Variants in CSMD1 observed in about 807,000 individuals in gnomAD.
The protein encoded by CSMD1 is CUB and Sushi multiple domains 1, also known as CUB and sushi domain-containing protein 1.
Under a neutral mutation model 417.5 loss-of-function variants are expected in CSMD1, and 213 were observed. The observed-to-expected ratio is 0.51, with a 90% CI of 0.46 to 0.57. The LOEUF (loss-of-function observed/expected upper bound fraction) is 0.57, where lower values mean the gene tolerates loss of function less well. Ranked by LOEUF, CSMD1 falls within the 20% of genes least tolerant of loss-of-function variation. The pLI is 0.00. For synonymous variants in CSMD1, 2,862 were observed against 1,736.8 expected, an observed-to-expected ratio of 1.65 and a Z score of -16.11; for missense variants, 6,923 against 4,529.7, an observed-to-expected ratio of 1.53 and a Z score of -15.17.
At chr8:4,802,807 G>A (rs1309103629) in intron 1 of CSMD1, among the ~76,000 whole-genome samples, 1 of 152,132 alleles carries the variant, frequency 6.6e-6, no homozygotes, top group Non-Finnish European at 1.5e-5. Context: ...ACGTCATAGG[G>A]AAGGACAGAC....
At chr8:3,742,647 G>T (rs1796870141) in intron 6 of CSMD1, among the ~76,000 whole-genome samples, 1 of 151,962 alleles carries the variant, frequency 6.6e-6, no homozygotes, top group South Asian at 2.1e-4. Flanking sequence ...CGTCCTGAAG[G>T]ACGTCTCTCC....
intron 21 of CSMD1, among the ~76,000 whole-genome samples, chr8:3,358,715 C>T (rs560117879): frequency 6.6e-6 from 1 of 152,278 alleles, no homozygotes; most frequent in East Asian, 1.9e-4. Context: ...TCAAAGGCTG[C>T]CACTGACAAC....
At chr8:3,638,135 G>A (rs9792134) in intron 7 of CSMD1, among the ~76,000 whole-genome samples, 66,167 of 151,648 alleles carry the variant, frequency 0.44, 14,497 homozygotes, top group Middle Eastern at 0.61. Flanking sequence ...AGTCTTAAAC[G>A]TAAGATCTCC....
chr8:4,231,934 C>CA (rs1385948003), intron 3 of CSMD1, among the ~76,000 whole-genome samples: 1 of 676 alleles, frequency 1.5e-3, no homozygotes, highest in African/African-American at 2.5e-3. Context: ...TATGTGTTTT[C>CA]CTTCTTCCTT....
intron 8 of CSMD1, chr8:3,613,351 C>A: frequency 2.6e-6 from 1 of 385,980 alleles, no homozygotes; most frequent in Non-Finnish European, 5.1e-6. Flanking sequence ...GAAATATTAA[C>A]AATTATACAC....
intron 3 of CSMD1, among the ~76,000 whole-genome samples, chr8:4,250,910 G>A (rs971078850): frequency 6.6e-6 from 1 of 152,108 alleles, no homozygotes; most frequent in African/African-American, 2.4e-5. Context: ...TAAACAATAA[G>A]GTCTTAGTCA....
At chr8:3,954,732 C>A (rs752416114) in intron 5 of CSMD1, among the ~76,000 whole-genome samples, 2 of 152,234 alleles carry the variant, frequency 1.3e-5, no homozygotes, top group Non-Finnish European at 2.9e-5. Flanking sequence ...CCCGCATGCG[C>A]AGAGCCCTCC....
At chr8:3,049,804 T>C (rs1811697843) in intron 50 of CSMD1, among the ~76,000 whole-genome samples, 1 of 152,034 alleles carries the variant, frequency 6.6e-6, no homozygotes, top group Non-Finnish European at 1.5e-5. Flanking sequence ...GTGCATCCAT[T>C]GTAACATGCA....
rs142615295 is a variant in CSMD1, at chr8:4,716,193, C to T, written c.86-78635G>A. Among the ~76,000 whole-genome samples the T allele has an allele frequency of 6.3e-3, 952 of 152,236 alleles. 5 individuals carry two copies. Among genetic ancestry groups the T allele is most frequent in the Middle Eastern group, 0.02 (6 of 294 alleles). On this transcript the variant is annotated intron_variant, in intron 1 of 69. Coordinates refer to ENST00000635120, the MANE Select transcript of CSMD1 (RefSeq NM_033225.6). ...AGGAATCCCCCTGAGCAGGCGCCAC[C>T]CAATGGGGACTGCTCATCTAGAGAA...
At chr8:4,269,497 TG>T (rs1194825683) in intron 3 of CSMD1, among the ~76,000 whole-genome samples, 1 of 152,192 alleles carries the variant, frequency 6.6e-6, no homozygotes, top group Non-Finnish European at 1.5e-5. Flanking sequence ...TTTTTGAATA[TG>T]GGAAGCATGT....
At chr8:3,520,784 A>G (rs1797474589) in intron 10 of CSMD1, among the ~76,000 whole-genome samples, 1 of 151,884 alleles carries the variant, frequency 6.6e-6, no homozygotes, top group African/African-American at 2.4e-5. Flanking sequence ...TCCAAACCCC[A>G]TCACCACATC....
intron 2 of CSMD1, among the ~76,000 whole-genome samples, chr8:4,562,960 A>T (rs1198490052): frequency 6.6e-6 from 1 of 152,222 alleles, no homozygotes; most frequent in Non-Finnish European, 1.5e-5. Context: ...AAGTTGTCAC[A>T]GGTAAGCAAA....
At chr8:4,320,460 C>A (rs1178156541) in intron 3 of CSMD1, among the ~76,000 whole-genome samples, 2 of 152,030 alleles carry the variant, frequency 1.3e-5, no homozygotes, top group Non-Finnish European at 2.9e-5. Context: ...CTGCACCTAT[C>A]AACCTGCGAT....
chr8:4,780,686 C>A (rs1001694395), intron 1 of CSMD1, among the ~76,000 whole-genome samples: 1 of 152,142 alleles, frequency 6.6e-6, no homozygotes, highest in Non-Finnish European at 1.5e-5. Context: ...GTATACACTG[C>A]ACCATGTATG....
Position 3,841,467 on chromosome 8 carries a change from CACTGCATT to C in CSMD1, c.819-87433_819-87426del, listed in dbSNP as rs1440825435. ...ACATTCTTTCACTTGCAAGACCAAG[CACTGCATT>C]CCCCATTCCCTTTTCATTGCTCTTC... is the stretch of plus-strand genomic sequence containing the variant. On this transcript the variant is annotated intron_variant, in intron 5 of 69. Coordinates refer to ENST00000635120, the MANE Select transcript of CSMD1 (RefSeq NM_033225.6). 4.6e-5 allele frequency among the ~76,000 whole-genome samples: 7 copies of C among 152,254 alleles called. No individual in the cohort carries two copies. The East Asian group carries it at 1.2e-3, about 25-fold the overall frequency.
chr8:4,146,903 G>T (rs953182181), intron 3 of CSMD1, among the ~76,000 whole-genome samples: 1 of 144,176 alleles, frequency 6.9e-6, no homozygotes, highest in South Asian at 2.1e-4. Flanking sequence ...GTGAGCCACC[G>T]CACCGGCCAG....
chr8:4,267,777 A>G (rs1191496204), intron 3 of CSMD1, among the ~76,000 whole-genome samples: 1 of 152,154 alleles, frequency 6.6e-6, no homozygotes. Flanking sequence ...TGCATATTTT[A>G]TATTGAACAA....
intron 5 of CSMD1, among the ~76,000 whole-genome samples, chr8:3,974,207 G>A (rs973606982): frequency 6.6e-6 from 1 of 151,804 alleles, no homozygotes; most frequent in Non-Finnish European, 1.5e-5. Flanking sequence ...ATCAAAGCCA[G>A]GAAACCTTTC....
intron 10 of CSMD1, among the ~76,000 whole-genome samples, chr8:3,502,602 G>A (rs1163303187): frequency 1.3e-5 from 2 of 152,126 alleles, no homozygotes; most frequent in Non-Finnish European, 2.9e-5. Flanking sequence ...AGTGAAACAA[G>A]CCAATTTTAG....
Sources: allele counts gnomAD v4.1 joint callset (sites outside exome capture counted in the v4.1 genomes callset), GRCh38; gene constraint gnomAD v4.1.1; transcripts MANE v1.5; gene names NCBI Gene and HGNC (gene_info 2026-07-23, HGNC 2026-07-21).